PTPRC: variants seen among roughly 807,000 people sequenced by gnomAD.
PTPRC encodes the protein protein tyrosine phosphatase receptor type C, also known as receptor-type tyrosine-protein phosphatase C.
In PTPRC, 44 loss-of-function variants were observed where a neutral mutation model predicts 155.9. The observed-to-expected ratio is 0.28, with a 90% CI of 0.22 to 0.36. The LOEUF is 0.36. PTPRC is among the 10% of genes least tolerant of loss of function. PTPRC has a pLI of 1.00. For synonymous variants in PTPRC, 525 were observed against 533.1 expected, an observed-to-expected ratio of 0.98 and a Z score of 0.21; for missense variants, 1,401 against 1,564.6, an observed-to-expected ratio of 0.90 and a Z score of 1.76.
At chr1:198,738,764 G>T (rs1192910013) in intron 23 of PTPRC, among the ~76,000 whole-genome samples, 3 of 151,680 alleles carry the variant, frequency 2.0e-5, no homozygotes. Flanking sequence ...ATGTGGTAGT[G>T]AAGCCATTAG....
At chr1:198,697,004 A>AGTT in intron 4 of PTPRC, 95 bp downstream of exon 4, 2 of 1,143,202 alleles carry the variant, frequency 1.7e-6, no homozygotes, top group South Asian at 2.5e-5. Context: ...TTATTTGCAC[A>AGTT]GTTTCTAAGT....
intron 2 of PTPRC, chr1:198,667,008 A>G (rs774278554): frequency 6.6e-6 from 1 of 152,182 alleles, no homozygotes; most frequent in Non-Finnish European, 1.5e-5. Context: ...CGATATTTTG[A>G]TGTTTCTTTT....
intron 15 of PTPRC, among the ~76,000 whole-genome samples, chr1:198,723,787 C>T (rs1654004030): frequency 6.6e-6 from 1 of 152,162 alleles, no homozygotes; most frequent in Non-Finnish European, 1.5e-5. Context: ...ACACAGCAAT[C>T]CAGCTACTTT....
chr1:198,733,741 T>G (rs894814422), intron 20 of PTPRC, among the ~76,000 whole-genome samples: 1 of 151,764 alleles, frequency 6.6e-6, no homozygotes, highest in African/African-American at 2.4e-5. Flanking sequence ...CAGCAGAAGT[T>G]AAGAGGTGAA....
At chr1:198,665,079 C>CCTTTTTT (rs1557979011) in intron 2 of PTPRC, among the ~76,000 whole-genome samples, 5 of 102,244 alleles carry the variant, frequency 4.9e-5, no homozygotes, top group African/African-American at 7.1e-5. Flanking sequence ...ATCCCGGCAG[C>CCTTTTTT]ATTTTTTTTT....
At chr1:198,662,511 A>T (rs1031197865) in intron 2 of PTPRC, among the ~76,000 whole-genome samples, 8 of 151,156 alleles carry the variant, frequency 5.3e-5, no homozygotes, top group South Asian at 2.1e-4. Context: ...AGACCATATT[A>T]GTATATACAC....
intron 23 of PTPRC, among the ~76,000 whole-genome samples, chr1:198,737,474 G>A (rs1364375150): frequency 6.6e-6 from 1 of 151,280 alleles, no homozygotes; most frequent in Non-Finnish European, 1.5e-5. Flanking sequence ...CATATTCTGG[G>A]TACCTGTATC....
chr1:198,750,668 A>G (rs1655340736), intron 29 of PTPRC, 42 bp downstream of exon 29: 2 of 1,602,636 alleles, frequency 1.2e-6, no homozygotes, highest in Middle Eastern at 1.7e-4. Flanking sequence ...TTTCTGTCAT[A>G]AAACGTCATT....
At chr1:198,733,921 G>A (rs1654509784) in intron 20 of PTPRC, among the ~76,000 whole-genome samples, 1 of 151,726 alleles carries the variant, frequency 6.6e-6, no homozygotes, top group Non-Finnish European at 1.5e-5. Context: ...CCACAGCATC[G>A]CAGATGAAGA....
chr1:198,655,916 C>T (rs1663537408), intron 2 of PTPRC, among the ~76,000 whole-genome samples: 1 of 152,046 alleles, frequency 6.6e-6, no homozygotes, highest in African/African-American at 2.4e-5. Flanking sequence ...CCAGCAGTAA[C>T]ACTGTGCTAT....
chr1:198,701,062 T>C (rs1221304968), intron 5 of PTPRC, among the ~76,000 whole-genome samples: 2 of 152,196 alleles, frequency 1.3e-5, no homozygotes, highest in Non-Finnish European at 2.9e-5. Flanking sequence ...TTTTAAAGGA[T>C]GAATAAATGA....
intron 2 of PTPRC, among the ~76,000 whole-genome samples, chr1:198,686,083 C>A (rs1311235613): frequency 6.6e-6 from 1 of 151,918 alleles, no homozygotes; most frequent in East Asian, 1.9e-4. Context: ...AGGGGTGTGA[C>A]TTCAAGGTAA....
chr1:198,718,786 A>G (rs1367262553), intron 14 of PTPRC, among the ~76,000 whole-genome samples: 1 of 152,188 alleles, frequency 6.6e-6, no homozygotes, highest in Non-Finnish European at 1.5e-5. Flanking sequence ...TATTTTGTAC[A>G]TGTAACTTCA....
intron 3 of PTPRC, among the ~76,000 whole-genome samples, chr1:198,695,943 C>T (rs910969373): frequency 5.3e-5 from 8 of 152,116 alleles, no homozygotes; most frequent in East Asian, 1.9e-4. Context: ...GGGTGGATCA[C>T]GAGGTCAGGA....
At chr1:198,660,339 A>G (rs946510348) in intron 2 of PTPRC, among the ~76,000 whole-genome samples, 3 of 152,066 alleles carry the variant, frequency 2.0e-5, no homozygotes, top group Non-Finnish European at 4.4e-5. Flanking sequence ...GTTTTATCAT[A>G]TGCTTATTAT....
At chr1:198,643,310 A>G (rs1449558501) in intron 2 of PTPRC, among the ~76,000 whole-genome samples, 1 of 151,840 alleles carries the variant, frequency 6.6e-6, no homozygotes, top group Non-Finnish European at 1.5e-5. Context: ...TCCCATACCT[A>G]ATTTTTCACC....
chr1:198,670,646 T>A (rs79784096), intron 2 of PTPRC, among the ~76,000 whole-genome samples: 9,019 of 152,146 alleles, frequency 0.059, 347 homozygotes, highest in South Asian at 0.13. Flanking sequence ...ATAAAAAAAA[T>A]ACCCACTTTT....
At position 198,747,386 on chromosome 1, in the gene PTPRC, G is replaced by A. The variant is rs575547623; in HGVS notation, c.2848-723G>A. 1.2e-3 allele frequency among the ~76,000 whole-genome samples: 183 copies of A among 151,892 alleles called. 4 individuals are homozygous for A. The South Asian group carries it at 0.031, about 26-fold the overall frequency. ...TAAGGCTGGAGAAACAGTCAGGGGC[G>A]TATCAATAAAGACTTTTTATGCTAT... On this transcript the variant is annotated intron_variant, in intron 26 of 32. Transcript: ENST00000442510.
At chr1:198,658,603 A>T (rs1173117707) in intron 2 of PTPRC, among the ~76,000 whole-genome samples, 2 of 152,048 alleles carry the variant, frequency 1.3e-5, no homozygotes, top group African/African-American at 4.8e-5. Flanking sequence ...TTTACAGACT[A>T]ATTAACAAGT....
Sources: gnomAD v4.1 joint callset for allele counts (sites outside exome capture counted in the v4.1 genomes callset) on GRCh38, gnomAD v4.1.1 for gene constraint, MANE v1.5 for transcripts, NCBI Gene and HGNC (gene_info 2026-07-23, HGNC 2026-07-21) for gene names.